Variants in BEND4 observed in about 807,000 individuals in gnomAD.
The protein encoded by BEND4 is BEN domain-containing protein 4.
In BEND4, 27 loss-of-function variants were observed where a neutral mutation model predicts 54.7. The observed-to-expected ratio is 0.49, with a 90% CI of 0.36 to 0.68. The LOEUF (loss-of-function observed/expected upper bound fraction) is 0.68. BEND4 is among the 30% of genes least tolerant of loss of function. BEND4 has a pLI of 0.00. For synonymous variants in BEND4, 327 were observed against 299.5 expected (o/e 1.09, Z -0.95); for missense variants, 702 against 697.2 (o/e 1.01, Z -0.08).
intron 2 of BEND4, among the ~76,000 whole-genome samples, chr4:42,145,055 T>C (rs1466400865): frequency 6.6e-6 from 1 of 152,208 alleles, no homozygotes; most frequent in African/African-American, 2.4e-5. Flanking sequence ...TATTCTAGAT[T>C]GTAGATGCCT....
chr4:42,118,885 G>A (rs1243025986), intron 5 of BEND4, among the ~76,000 whole-genome samples: 1 of 152,184 alleles, frequency 6.6e-6, no homozygotes, highest in Non-Finnish European at 1.5e-5. Context: ...TGAGTAAGTG[G>A]AATATTCAGA....
rs1436693765 is a variant in BEND4, at chr4:42,111,153, A to G, written c.*6365T>C. 6.6e-6 allele frequency: 1 copy of G among 152,240 alleles called. No homozygotes were observed. The highest frequency in any genetic ancestry group is 2.4e-5 in the African/African-American group (1 of 41,462). 9.4% of individuals were successfully genotyped at this position (152,240 alleles called of 1,614,324 possible). On this transcript the variant is annotated 3_prime_UTR_variant, in exon 6 of 6. Coordinates refer to ENST00000502486, the MANE Select transcript of BEND4 (RefSeq NM_207406.4). ...AAGAAATGAGCCTAACACTTAAAAA[A>G]CAACTTACTCTTCTATATAAATTGT...
At chr4:42,144,146 A>G (rs1225287172) in intron 2 of BEND4, 152 bp from the exon 3 acceptor site, 1 of 684,258 alleles carries the variant, frequency 1.5e-6, no homozygotes, top group Non-Finnish European at 2.6e-6. Context: ...TCCACTGTGA[A>G]TAGAACGCAT....
At chr4:42,136,620 C>T (rs916112213) in intron 3 of BEND4, among the ~76,000 whole-genome samples, 3 of 152,196 alleles carry the variant, frequency 2.0e-5, no homozygotes, top group South Asian at 4.1e-4. Flanking sequence ...TTTCAGCTCT[C>T]GTAACTGTAA....
At position 42,117,692 on chromosome 4, in the gene BEND4, C is replaced by T. The variant is rs1278363340; in HGVS notation, c.1431G>A (p.Met477Ile). The change falls in exon 6 of 6, where the codon ATG (methionine) becomes ATA (isoleucine). Residue 477 changes from methionine (M) to isoleucine (I), a missense_variant. Coordinates refer to ENST00000502486, the MANE Select transcript of BEND4 (RefSeq NM_207406.4). ...MHCTSNPDWWMPSEEQINKVF... is the reference protein window; with the variant it reads ...MHCTSNPDWWIPSEEQINKVF... Reference sequence around the variant, plus strand: ...CTTTGTTTATCTGCTCTTCCGAGGGCATCCACCAATCGGGGTTGGAGGTAC... The same window carrying T: ...CTTTGTTTATCTGCTCTTCCGAGGGTATCCACCAATCGGGGTTGGAGGTAC... 5.6e-6 allele frequency: 9 copies of T among 1,609,700 alleles called. No individual in the cohort carries two copies. The highest frequency in any genetic ancestry group is 1.3e-5 in the African/African-American group (1 of 74,870).
intron 3 of BEND4, among the ~76,000 whole-genome samples, chr4:42,139,507 T>C (rs1310384803): frequency 6.6e-6 from 1 of 151,562 alleles, no homozygotes; most frequent in Non-Finnish European, 1.5e-5. Flanking sequence ...CCAAGTGAAA[T>C]CATTTTTTCT....
intron 2 of BEND4, chr4:42,151,453 C>A: frequency 2.4e-6 from 1 of 415,814 alleles, no homozygotes; most frequent in Non-Finnish European, 4.0e-6. Flanking sequence ...ACCTGTTAGG[C>A]GCGCGCCGTC....
rs1306881935 is a variant in BEND4 at position 42,152,188 on chromosome 4, C to T, written c.-45G>A. On this transcript the variant is annotated 5_prime_UTR_variant, in exon 2 of 6. Coordinates refer to ENST00000502486, the MANE Select transcript of BEND4 (RefSeq NM_207406.4). ...CCCTCGGAGCACGTCCCCTCCCCGC[C>T]GGGCGCCGGGCTCCGAGGGTGCCTC... 3.2e-6 allele frequency: 4 copies of T among 1,235,036 alleles called. No individual in the cohort carries two copies. In the African/African-American group the frequency reaches 4.7e-5, roughly 15 times the overall value. 76.5% of individuals were successfully genotyped at this position (1,235,036 alleles called of 1,614,324 possible).
At chr4:42,127,216 AAGT>A (rs1407630207) in intron 3 of BEND4, among the ~76,000 whole-genome samples, 6 of 152,240 alleles carry the variant, frequency 3.9e-5, no homozygotes, top group African/African-American at 1.4e-4. Context: ...GAATAACAGG[AAGT>A]AGGAGTAGGT....
At chr4:42,146,677 T>C (rs558093537) in intron 2 of BEND4, among the ~76,000 whole-genome samples, 14 of 152,352 alleles carry the variant, frequency 9.2e-5, no homozygotes, top group African/African-American at 2.9e-4. Flanking sequence ...ACAGCAGTTT[T>C]CATTCATTTT....
chr4:42,126,306 T>C lies in BEND4; in HGVS notation c.1055-632A>G, dbSNP rs73155307. On this transcript the variant is annotated intron_variant, in intron 3 of 5. Transcript: ENST00000502486. Reference sequence around the variant, plus strand: ...ACTTATTTGACTCAGGTTGCAGCAGTAGCACCCAATGATGCTTTTAAAAAT... The same window carrying C: ...ACTTATTTGACTCAGGTTGCAGCAGCAGCACCCAATGATGCTTTTAAAAAT... 4.0e-3 allele frequency among the ~76,000 whole-genome samples: 602 copies of C among 152,346 alleles called. 5 individuals are homozygous for C. Among genetic ancestry groups the C allele is most frequent in the African/African-American group, 0.014 (572 of 41,584 alleles).
At position 42,113,439 on chromosome 4, in the gene BEND4, A is replaced by G. The variant is rs544667187; in HGVS notation, c.*4079T>C. The G allele has an allele frequency of 6.6e-6, 1 of 152,332 alleles. No individual in the cohort carries two copies. The highest frequency in any genetic ancestry group is 1.9e-4 in the East Asian group (1 of 5,190). 9.4% of individuals were successfully genotyped at this position (152,332 alleles called of 1,614,324 possible). A position where few individuals can be genotyped will look rare whatever the true frequency, so the allele number is the denominator to read the frequency against. On this transcript the variant is annotated 3_prime_UTR_variant, in exon 6 of 6. Coordinates refer to ENST00000502486, the MANE Select transcript of BEND4 (RefSeq NM_207406.4). ...AATGGATGTTTGCTTTTCTGAACAT[A>G]TAGTGCACGTTTCATCTTTACCTGA...
At chr4:42,125,054 G>C (rs921274940) in intron 4 of BEND4, among the ~76,000 whole-genome samples, 1 of 152,128 alleles carries the variant, frequency 6.6e-6, no homozygotes, top group African/African-American at 2.4e-5. Flanking sequence ...ACTGAGTCTT[G>C]AACATCTTAT....
At chr4:42,118,105 C>G (rs1219969419) in intron 5 of BEND4, among the ~76,000 whole-genome samples, 5 of 152,182 alleles carry the variant, frequency 3.3e-5, no homozygotes, top group Non-Finnish European at 7.3e-5. Flanking sequence ...GAGAATGTTA[C>G]TATCTCCAGA....
chr4:42,121,310 G>A (rs1441149561), intron 4 of BEND4, among the ~76,000 whole-genome samples: 1 of 152,196 alleles, frequency 6.6e-6, no homozygotes, highest in Non-Finnish European at 1.5e-5. Context: ...GAGGGAGGCA[G>A]CCCGATGCGG....
rs1271244867 is a variant in BEND4 at position 42,143,636 on chromosome 4, C to A, written c.846G>T (p.Leu282=). The change falls in exon 3 of 6, where the codon CTG becomes CTT. Residue 282 remains leucine (L), a synonymous_variant. Transcript: ENST00000502486. ...CTAATGTATGCACAGGAGAGGTTGA[C>A]AGAGGATCCACGTCGGCCAGATGGC... ...EYGHLADVDP[L]STSPVHTLGG... 1 of 1,612,868 alleles carries A rather than the reference C, an allele frequency of 6.2e-7. No individual in the cohort carries two copies. The highest frequency in any genetic ancestry group is 2.2e-5 in the East Asian group (1 of 44,858).
At position 42,115,359 on chromosome 4, in the gene BEND4, A is replaced by G. The variant is rs1208265641; in HGVS notation, c.*2159T>C. ...TGCAGGTGCGTTGTCATGTACGGCC[A>G]TGGAGCAGGGGTGCAGAAAGTGCTC... On this transcript the variant is annotated 3_prime_UTR_variant, in exon 6 of 6. Transcript: ENST00000502486. 1 of 151,694 alleles carries G rather than the reference A, an allele frequency of 6.6e-6. No homozygotes were observed. Among genetic ancestry groups the G allele is most frequent in the East Asian group, 1.9e-4 (1 of 5,188 alleles). 9.4% of individuals were successfully genotyped at this position (151,694 alleles called of 1,614,324 possible).
At position 42,144,219 on chromosome 4, in the gene BEND4, G is replaced by C; in HGVS notation, c.488-225C>G. On this transcript the variant is annotated intron_variant, in intron 2 of 5. Transcript: ENST00000502486. ...AGTCACACGCAGTCTCTTGCTCTAG[G>C]AAACGGCTGGACTGTGACTTTGGGC... 5.1e-6 allele frequency: 3 copies of C among 586,266 alleles called. No homozygotes were observed. The South Asian group carries it at 6.1e-5, about 12-fold the overall frequency. 36.3% of individuals were successfully genotyped at this position (586,266 alleles called of 1,614,324 possible). A position where few individuals can be genotyped will look rare whatever the true frequency, so the allele number is the denominator to read the frequency against.
intron 2 of BEND4, among the ~76,000 whole-genome samples, chr4:42,144,476 G>A (rs1721007609): frequency 6.6e-6 from 1 of 152,158 alleles, no homozygotes; most frequent in Admixed American, 6.5e-5. Context: ...GCTCCCAGAT[G>A]CAAACTGGGG....
Sources: gnomAD v4.1 joint callset for allele counts (sites outside exome capture counted in the v4.1 genomes callset) on GRCh38, gnomAD v4.1.1 for gene constraint, MANE v1.5 for transcripts, NCBI Gene and HGNC (gene_info 2026-07-23, HGNC 2026-07-21) for gene names.